The following GPRIN3 variants were observed in gnomAD, a reference collection of about 807,000 sequenced individuals.
GPRIN3 encodes the protein G protein-regulated inducer of neurite outgrowth 3.
A neutral mutation model predicts 13.7 loss-of-function variants in GPRIN3; 12 were observed. The observed-to-expected ratio is 0.87, with a 90% CI of 0.56 to 1.42. The LOEUF (loss-of-function observed/expected upper bound fraction) is 1.42, where lower values mean the gene tolerates loss of function less well. Among genes scored for constraint, GPRIN3 ranks in the 40% most tolerant of loss-of-function variants. The probability of loss-of-function intolerance (pLI) is 0.00; values close to 1 mark genes in which losing one functional copy is unlikely to be tolerated. For synonymous variants in GPRIN3, 377 were observed against 372.7 expected (o/e 1.01, Z -0.13); for missense variants, 1,009 against 958.7 (o/e 1.05, Z -0.69).
chr4:89,261,873 G>A (rs547801516), intron 1 of GPRIN3, among the ~76,000 whole-genome samples: 3 of 152,224 alleles, frequency 2.0e-5, no homozygotes, highest in South Asian at 4.2e-4. Flanking sequence ...GACTTCGGGA[G>A]GCTGTAGGGG....
At chr4:89,276,293 G>T in intron 1 of GPRIN3, among the ~76,000 whole-genome samples, 1 of 151,544 alleles carries the variant, frequency 6.6e-6, no homozygotes, top group South Asian at 2.1e-4. Flanking sequence ...TTGCTCTTTA[G>T]GTGTCTTTAA....
chr4:89,290,532 A>G (rs961157465), intron 1 of GPRIN3, among the ~76,000 whole-genome samples: 3 of 152,146 alleles, frequency 2.0e-5, no homozygotes, highest in Non-Finnish European at 4.4e-5. Flanking sequence ...GACAAATGCC[A>G]TACTCTCCAC....
chr4:89,293,666 C>T (rs1724652326), intron 1 of GPRIN3, among the ~76,000 whole-genome samples: 1 of 152,194 alleles, frequency 6.6e-6, no homozygotes, highest in Admixed American at 6.5e-5. Context: ...TCATTTTCTC[C>T]TGCAGGTTCT....
At chr4:89,307,170 ATG>A (rs1725055794) in intron 1 of GPRIN3, among the ~76,000 whole-genome samples, 1 of 151,702 alleles carries the variant, frequency 6.6e-6, no homozygotes, top group African/African-American at 2.4e-5. Flanking sequence ...GCATTTATGT[ATG>A]TGTGTGTATA....
chr4:89,249,275 G>C lies in GPRIN3; in HGVS notation c.836C>G (p.Pro279Arg). 1 of 1,614,074 alleles carries C rather than the reference G, an allele frequency of 6.2e-7. No individual in the cohort carries two copies. Among genetic ancestry groups the C allele is most frequent in the South Asian group, 1.1e-5 (1 of 91,074 alleles). The change falls in exon 2 of 2, where the codon CCA becomes CGA. Residue 279 changes from proline (P) to arginine (R), a missense_variant. Physicochemically the swap from Pro to Arg is moderately radical, Grantham distance 103 (BLOSUM62 -2). Transcript: ENST00000609438. ...PLTSEPSACP[P>R]GPEKVPLPAQ... ...TGGCAGCGGCACCTTCTCTGGACCT[G>C]GGGGACATGCCGAAGGTTCGCTAGT...
intron 1 of GPRIN3, among the ~76,000 whole-genome samples, chr4:89,258,423 GC>G (rs1468708980): frequency 6.6e-6 from 1 of 152,004 alleles, no homozygotes; most frequent in African/African-American, 2.4e-5. Flanking sequence ...CATCATGTTA[GC>G]CAGGATGGTC....
At chr4:89,295,362 A>T (rs911946206) in intron 1 of GPRIN3, among the ~76,000 whole-genome samples, 1 of 152,218 alleles carries the variant, frequency 6.6e-6, no homozygotes, top group African/African-American at 2.4e-5. Context: ...CAGGCCTTTC[A>T]TTCAAGGGCT....
At chr4:89,256,934 A>T (rs963216800) in intron 1 of GPRIN3, among the ~76,000 whole-genome samples, 4 of 152,214 alleles carry the variant, frequency 2.6e-5, no homozygotes, top group African/African-American at 9.6e-5. Flanking sequence ...TTCTGAACCC[A>T]GCAGATTCTG....
chr4:89,301,198 T>C (rs371260719), intron 1 of GPRIN3, among the ~76,000 whole-genome samples: 4 of 152,134 alleles, frequency 2.6e-5, no homozygotes, highest in African/African-American at 4.8e-5. Context: ...AAGGCAAAGA[T>C]CAAACTCCAA....
chr4:89,240,207 A>T lies in GPRIN3; in HGVS notation c.*7573T>A, dbSNP rs1249888126. 8 of 152,176 alleles carry T rather than the reference A, an allele frequency of 5.3e-5. No individual in the cohort carries two copies. The highest frequency in any genetic ancestry group is 1.7e-4 in the African/African-American group (7 of 41,444). 9.4% of individuals were successfully genotyped at this position (152,176 alleles called of 1,614,324 possible). ...TGATTCTAATGTTGTTAGAATCCAC[A>T]CAGTATTACCTGTTATTGATAATAC... On this transcript the variant is annotated 3_prime_UTR_variant, in exon 2 of 2. Transcript: ENST00000609438.
At chr4:89,252,914 C>T in intron 1 of GPRIN3, among the ~76,000 whole-genome samples, 1 of 151,400 alleles carries the variant, frequency 6.6e-6, no homozygotes, top group Non-Finnish European at 1.5e-5. Context: ...CCTCCTCATC[C>T]TCAAAAAGCC....
At chr4:89,295,002 C>T (rs1724692652) in intron 1 of GPRIN3, among the ~76,000 whole-genome samples, 1 of 152,136 alleles carries the variant, frequency 6.6e-6, no homozygotes, top group South Asian at 2.1e-4. Flanking sequence ...CTCAATGTAG[C>T]TGATGTTTAC....
Position 89,246,104 on chromosome 4 carries a change from T to G in GPRIN3, c.*1676A>C, listed in dbSNP as rs1048632767. ...GTGCTAAGTTCAGGAATGATTTTTT[T>G]TCCTGCATATGTTCAGAATGTGCAG... On this transcript the variant is annotated 3_prime_UTR_variant, in exon 2 of 2. Coordinates refer to ENST00000609438, the MANE Select transcript of GPRIN3 (RefSeq NM_198281.3). 2.0e-5 allele frequency: 3 copies of G among 152,230 alleles called. No individual in the cohort carries two copies. Among genetic ancestry groups the G allele is most frequent in the African/African-American group, 4.8e-5 (2 of 41,472 alleles). 9.4% of individuals were successfully genotyped at this position (152,230 alleles called of 1,614,324 possible). A position where few individuals can be genotyped will look rare whatever the true frequency, so the allele number is the denominator to read the frequency against.
At chr4:89,296,150 A>C (rs1178466543) in intron 1 of GPRIN3, among the ~76,000 whole-genome samples, 1 of 152,214 alleles carries the variant, frequency 6.6e-6, no homozygotes, top group Non-Finnish European at 1.5e-5. Context: ...CTCCGGGAAC[A>C]AAGAGTTTGA....
At chr4:89,271,721 G>A (rs1561207057) in intron 1 of GPRIN3, among the ~76,000 whole-genome samples, 2 of 152,026 alleles carry the variant, frequency 1.3e-5, no homozygotes, top group Non-Finnish European at 2.9e-5. Context: ...TGGACAAATG[G>A]TTAAAACAAT....
At chr4:89,270,677 T>C (rs533966503) in intron 1 of GPRIN3, among the ~76,000 whole-genome samples, 65 of 149,080 alleles carry the variant, frequency 4.4e-4, no homozygotes, top group African/African-American at 1.6e-3. Flanking sequence ...TAGCTGGTAC[T>C]TCAGGGGCAC....
intron 1 of GPRIN3, among the ~76,000 whole-genome samples, chr4:89,284,162 G>A (rs1438305341): frequency 1.3e-5 from 2 of 152,220 alleles, no homozygotes; most frequent in Non-Finnish European, 2.9e-5. Context: ...GGAAAGGTGT[G>A]CTGGGCAGAA....
At chr4:89,298,460 T>A (rs934747468) in intron 1 of GPRIN3, among the ~76,000 whole-genome samples, 2 of 151,948 alleles carry the variant, frequency 1.3e-5, no homozygotes, top group African/African-American at 4.8e-5. Context: ...GGCTGCTTGG[T>A]TAGGACAGAG....
chr4:89,302,743 C>T (rs1724931223), intron 1 of GPRIN3, among the ~76,000 whole-genome samples: 1 of 152,054 alleles, frequency 6.6e-6, no homozygotes, highest in Admixed American at 6.6e-5. Context: ...GAATTTCAAT[C>T]CAAATGCAGA....
Sources: allele counts gnomAD v4.1 joint callset (sites outside exome capture counted in the v4.1 genomes callset), GRCh38; gene constraint gnomAD v4.1.1; transcripts MANE v1.5; gene names NCBI Gene and HGNC (gene_info 2026-07-23, HGNC 2026-07-21).